FRMD6: variants seen among roughly 807,000 people sequenced by gnomAD.
FRMD6 encodes the protein FERM domain containing 6.
A neutral mutation model predicts 73.2 loss-of-function variants in FRMD6; 37 were observed. That is an observed-to-expected ratio of 0.51 (90% CI 0.39 to 0.66). FRMD6 has a LOEUF of 0.66. FRMD6 is among the 30% of genes least tolerant of loss of function. The pLI is 0.00. For synonymous variants in FRMD6, 273 were observed against 282.2 expected, an observed-to-expected ratio of 0.97 and a Z score of 0.33; for missense variants, 714 against 780.5, an observed-to-expected ratio of 0.91 and a Z score of 1.02.
chr14:51,597,674 C>G (rs926874662), intron 2 of FRMD6, among the ~76,000 whole-genome samples: 24 of 152,200 alleles, frequency 1.6e-4, no homozygotes, highest in African/African-American at 5.5e-4. Flanking sequence ...AATGAATGAG[C>G]TAATATATAC....
chr14:51,711,657 C>T, intron 8 of FRMD6, 61 bp downstream of exon 8: 2 of 1,202,110 alleles, frequency 1.7e-6, no homozygotes, highest in Non-Finnish European at 2.5e-6. Context: ...CAGCATGCCT[C>T]TGTGGTCCTG....
intron 2 of FRMD6, chr14:51,600,076 G>C (rs1594583726): frequency 6.6e-6 from 1 of 151,736 alleles, no homozygotes; most frequent in Admixed American, 6.6e-5. Context: ...GTAAATTCAA[G>C]ATGACATTGT....
the FRMD6 span, among the ~76,000 whole-genome samples, chr14:51,466,580 C>G: frequency 1.3e-5 from 2 of 152,156 alleles, no homozygotes; most frequent in Non-Finnish European, 1.5e-5. Flanking sequence ...AGGTGTATTT[C>G]TGAATTCTCT....
At chr14:51,656,520 T>A (rs1443871605) in intron 1 of FRMD6, among the ~76,000 whole-genome samples, 1 of 151,884 alleles carries the variant, frequency 6.6e-6, no homozygotes, top group East Asian at 1.9e-4. Context: ...TCCAAATGAT[T>A]CTCCTGCCTC....
chr14:51,431,758 A>G, the FRMD6 span, among the ~76,000 whole-genome samples: 1 of 152,188 alleles, frequency 6.6e-6, no homozygotes, highest in South Asian at 2.1e-4. Context: ...GTTTAGGGTA[A>G]AGGGGACCCT....
intron 2 of FRMD6, among the ~76,000 whole-genome samples, chr14:51,693,022 A>T (rs1895709719): frequency 6.6e-6 from 1 of 152,152 alleles, no homozygotes; most frequent in African/African-American, 2.4e-5. Flanking sequence ...CCTGGTACCT[A>T]GTGGGTACTG....
At chr14:51,713,472 A>ATC (rs1263466239) in intron 9 of FRMD6, among the ~76,000 whole-genome samples, 8 of 152,046 alleles carry the variant, frequency 5.3e-5, no homozygotes, top group Non-Finnish European at 1.0e-4. Flanking sequence ...AAAAAAAAAA[A>ATC]AAAAATCGTA....
chr14:51,580,716 T>TA (rs1225308741), intron 2 of FRMD6, among the ~76,000 whole-genome samples: 52 of 152,232 alleles, frequency 3.4e-4, no homozygotes, highest in African/African-American at 1.3e-3. Context: ...TCAGGGGGTC[T>TA]TCAGGACTAT....
intron 2 of FRMD6, among the ~76,000 whole-genome samples, chr14:51,593,209 G>C (rs1202278143): frequency 6.6e-6 from 1 of 152,164 alleles, no homozygotes; most frequent in Non-Finnish European, 1.5e-5. Context: ...GAGGAGAGTA[G>C]GCAAGGGACT....
chr14:51,404,251 G>A, the FRMD6 span, among the ~76,000 whole-genome samples: 1 of 151,796 alleles, frequency 6.6e-6, no homozygotes. Flanking sequence ...TTTTCTTTCT[G>A]TTTTTGCTGA....
At chr14:51,608,853 T>C (rs7149515) in intron 2 of FRMD6, among the ~76,000 whole-genome samples, 6,117 of 152,194 alleles carry the variant, frequency 0.04, 361 homozygotes, top group East Asian at 0.3. Context: ...CCCAGCCTAT[T>C]TATTGGGAAT....
At chr14:51,478,050 T>C in the FRMD6 span, among the ~76,000 whole-genome samples, 1 of 152,320 alleles carries the variant, frequency 6.6e-6, no homozygotes, top group Non-Finnish European at 1.5e-5. Flanking sequence ...TTTTTTTCTA[T>C]AGCATGTTAT....
chr14:51,585,923 A>ATGTGTGTGTGTGTGTGTGTGTGTGTGTG lies in FRMD6; in HGVS notation c.-147+15530_-147+15531insGTGTGTGTGTGTGTGTGTGTGTGTGTGT, dbSNP rs144016037. Among the ~76,000 whole-genome samples the ATGTGTGTGTGTGTGTGTGTGTGTGTGTG allele has an allele frequency of 9.1e-3, 333 of 36,706 alleles. 102 individuals carry two copies. The highest frequency in any genetic ancestry group is 0.031 in the Middle Eastern group (3 of 96). The allele number at this position is 36,706 out of a possible 152,430, so 24.1% of individuals were successfully genotyped here. On this transcript the variant is annotated intron_variant, in intron 2 of 14. Coordinates refer to the FRMD6 transcript ENST00000356218. ...TTATGGCTGAATAGTATGCCATGGC[A>ATGTGTGTGTGTGTGTGTGTGTGTGTGTG]TGTGTGTGTGTGTGTGTATATATAT...
intron 2 of FRMD6, among the ~76,000 whole-genome samples, chr14:51,574,586 G>A (rs1888307639): frequency 6.6e-6 from 1 of 152,108 alleles, no homozygotes; most frequent in Admixed American, 6.5e-5. Context: ...AACTTCACAT[G>A]TCCTCACTCA....
At chr14:51,698,541 G>A (rs1321581837) in intron 3 of FRMD6, among the ~76,000 whole-genome samples, 1 of 151,908 alleles carries the variant, frequency 6.6e-6, no homozygotes, top group Non-Finnish European at 1.5e-5. Context: ...CTTGATTTTT[G>A]TTTCCTTGCA....
At chr14:51,542,464 C>A (rs1886253261) in intron 1 of FRMD6, among the ~76,000 whole-genome samples, 1 of 152,020 alleles carries the variant, frequency 6.6e-6, no homozygotes, top group Non-Finnish European at 1.5e-5. Flanking sequence ...CCAGTGCTTT[C>A]TTCCTTTTTA....
chr14:51,531,085 G>A (rs914375036), intron 1 of FRMD6, among the ~76,000 whole-genome samples: 8 of 152,098 alleles, frequency 5.3e-5, no homozygotes, highest in Admixed American at 2.6e-4. Context: ...TTCATAATAG[G>A]CATTAATCTG....
At chr14:51,704,521 GTTA>G (rs1331126394) in intron 5 of FRMD6, 11 of 469,176 alleles carry the variant, frequency 2.3e-5, no homozygotes, top group African/African-American at 1.5e-4. Context: ...CTTAGGAAAC[GTTA>G]TTTTTATTGT....
intron 1 of FRMD6, among the ~76,000 whole-genome samples, chr14:51,569,116 G>C (rs927771592): frequency 2.6e-5 from 4 of 152,104 alleles, no homozygotes; most frequent in African/African-American, 9.7e-5. Flanking sequence ...AAAATGCTGG[G>C]ATTACAGGCG....
Sources: allele counts gnomAD v4.1 joint callset (sites outside exome capture counted in the v4.1 genomes callset), GRCh38; gene constraint gnomAD v4.1.1; transcripts MANE v1.5; gene names NCBI Gene and HGNC (gene_info 2026-07-23, HGNC 2026-07-21).